FMNL2: variants seen among roughly 807,000 people sequenced by gnomAD.
FMNL2 encodes the protein formin like 2, also known as formin-like protein 2.
A neutral mutation model predicts 130.2 loss-of-function variants in FMNL2; 51 were observed. That is an observed-to-expected ratio of 0.39 (90% CI 0.31 to 0.49). The LOEUF is 0.49. FMNL2 is among the 20% of genes least tolerant of loss of function. The pLI is 0.85. For missense variants in FMNL2, 977 were observed against 1,316.2 expected (o/e 0.74, Z 3.99); for synonymous variants, 465 against 467.1 (o/e 1.00, Z 0.06).
intron 6 of FMNL2, among the ~76,000 whole-genome samples, chr2:152,563,872 G>A (rs1010247200): frequency 3.3e-5 from 5 of 151,962 alleles, no homozygotes; most frequent in African/African-American, 4.8e-5. Flanking sequence ...CTCCCCTCTT[G>A]CCTCTGGAGC....
chr2:152,335,745 G>GCGGGGACC (rs756695980), intron 1 of FMNL2, 25 bp downstream of exon 1: 3 of 1,536,078 alleles, frequency 2.0e-6, no homozygotes, highest in African/African-American at 1.4e-5. Flanking sequence ...GCGGTCGGGC[G>GCGGGGACC]CGGGGACCCG....
At chr2:152,642,459 T>C (rs972436055) in intron 25 of FMNL2, among the ~76,000 whole-genome samples, 1 of 152,174 alleles carries the variant, frequency 6.6e-6, no homozygotes, top group Non-Finnish European at 1.5e-5. Flanking sequence ...GAAAATGCCA[T>C]TCTCTACACA....
chr2:152,410,861 G>C (rs190086735), intron 1 of FMNL2, among the ~76,000 whole-genome samples: 1 of 152,144 alleles, frequency 6.6e-6, no homozygotes, highest in Non-Finnish European at 1.5e-5. Context: ...GTGGCCTTAC[G>C]GTAGCTTGCT....
At chr2:152,634,976 C>T (rs1682466291) in intron 21 of FMNL2, among the ~76,000 whole-genome samples, 1 of 151,736 alleles carries the variant, frequency 6.6e-6, no homozygotes, top group South Asian at 2.1e-4. Flanking sequence ...GGAGCTGCTT[C>T]TTGGTCCAAC....
chr2:152,404,274 C>T (rs948895256), intron 1 of FMNL2, among the ~76,000 whole-genome samples: 5 of 152,112 alleles, frequency 3.3e-5, no homozygotes, highest in Admixed American at 6.5e-5. Flanking sequence ...CAGTTAAATA[C>T]GTATCAATGG....
intron 1 of FMNL2, among the ~76,000 whole-genome samples, chr2:152,401,597 T>C (rs1685695675): frequency 3.3e-5 from 5 of 152,222 alleles, no homozygotes; most frequent in Admixed American, 2.6e-4. Context: ...GTCAGCGGCA[T>C]TCACAGTTTC....
intron 1 of FMNL2, among the ~76,000 whole-genome samples, chr2:152,441,706 C>T (rs941576329): frequency 3.3e-5 from 5 of 151,836 alleles, no homozygotes; most frequent in African/African-American, 1.2e-4. Context: ...CATGGTGGCA[C>T]GTGTCTGTAA....
chr2:152,398,635 C>G (rs934276028), intron 1 of FMNL2, among the ~76,000 whole-genome samples: 1 of 152,178 alleles, frequency 6.6e-6, no homozygotes, highest in African/African-American at 2.4e-5. Flanking sequence ...TGCACAGGCA[C>G]TGTTTTAAGC....
intron 1 of FMNL2, among the ~76,000 whole-genome samples, chr2:152,342,253 G>A (rs1389417496): frequency 1.3e-5 from 2 of 152,180 alleles, no homozygotes; most frequent in African/African-American, 4.8e-5. Context: ...GCAAGTAATA[G>A]ATGTCAAAAA....
intron 1 of FMNL2, among the ~76,000 whole-genome samples, chr2:152,487,154 T>A (rs1297509703): frequency 6.6e-6 from 1 of 152,238 alleles, no homozygotes; most frequent in African/African-American, 2.4e-5. Flanking sequence ...ACATAAATCT[T>A]ATATTCTACA....
chr2:152,569,008 T>G (rs1696017135), intron 6 of FMNL2, among the ~76,000 whole-genome samples: 1 of 152,176 alleles, frequency 6.6e-6, no homozygotes, highest in Non-Finnish European at 1.5e-5. Context: ...CACTTAGTAC[T>G]TACGTTTACC....
intron 1 of FMNL2, among the ~76,000 whole-genome samples, chr2:152,380,646 G>A (rs539878804): frequency 2.0e-5 from 3 of 152,096 alleles, no homozygotes; most frequent in Non-Finnish European, 2.9e-5. Context: ...TGGATTACTC[G>A]CTGTACCTAC....
intron 1 of FMNL2, among the ~76,000 whole-genome samples, chr2:152,482,575 A>G (rs926413615): frequency 6.6e-6 from 1 of 152,202 alleles, no homozygotes; most frequent in African/African-American, 2.4e-5. Context: ...TTCTAGACTC[A>G]AACTTTTTGG....
intron 1 of FMNL2, among the ~76,000 whole-genome samples, chr2:152,464,005 T>G (rs1330903931): frequency 2.0e-5 from 3 of 152,248 alleles, no homozygotes; most frequent in Non-Finnish European, 2.9e-5. Flanking sequence ...CAGTCTTGGC[T>G]CACTGCAACC....
At chr2:152,575,313 G>A (rs1257039597) in intron 7 of FMNL2, 69 bp downstream of exon 7, 12 of 1,015,030 alleles carry the variant, frequency 1.2e-5, no homozygotes, top group East Asian at 2.6e-5. Context: ...ACTGCTGGGT[G>A]CAGTGTACAC....
At chr2:152,482,851 A>G (rs141638819) in intron 1 of FMNL2, among the ~76,000 whole-genome samples, 21 of 152,246 alleles carry the variant, frequency 1.4e-4, no homozygotes, top group African/African-American at 4.6e-4. Flanking sequence ...CATAATTATA[A>G]AACATCAAGT....
intron 1 of FMNL2, among the ~76,000 whole-genome samples, chr2:152,510,303 A>C (rs1388225506): frequency 6.6e-6 from 1 of 152,224 alleles, no homozygotes; most frequent in Non-Finnish European, 1.5e-5. Context: ...TCTGAATACA[A>C]GATACTTTAT....
intron 1 of FMNL2, among the ~76,000 whole-genome samples, chr2:152,349,156 A>G (rs1354768193): frequency 6.6e-6 from 1 of 152,208 alleles, no homozygotes; most frequent in East Asian, 1.9e-4. Context: ...TTTTAAATAA[A>G]TGAGACAAAT....
chr2:152,335,391 G>T lies in FMNL2; in HGVS notation c.-213G>T. 7.1e-6 allele frequency: 2 copies of T among 281,856 alleles called. No homozygotes were observed. Among genetic ancestry groups the T allele is most frequent in the Admixed American group, 5.4e-5 (1 of 18,630 alleles). The allele number at this position is 281,856 out of a possible 1,614,324, so 17.5% of individuals were successfully genotyped here. ...AGGAAAAGAGGCCGGGGCCGCGCTGGGGCGGCGGAGAGCATGAGGGAGGCC... is the reference window on the plus strand; with the variant it reads ...AGGAAAAGAGGCCGGGGCCGCGCTGTGGCGGCGGAGAGCATGAGGGAGGCC... On this transcript the variant is annotated 5_prime_UTR_variant, in exon 1 of 26. Transcript: ENST00000288670.
Sources: allele counts gnomAD v4.1 joint callset (sites outside exome capture counted in the v4.1 genomes callset), GRCh38; gene constraint gnomAD v4.1.1; transcripts MANE v1.5; gene names NCBI Gene and HGNC (gene_info 2026-07-23, HGNC 2026-07-21).